Variants in BTBD9 observed in about 807,000 individuals in gnomAD.
BTBD9 encodes BTB domain containing 9, also known as BTB/POZ domain-containing protein 9.
In BTBD9, 49 loss-of-function variants were observed where a neutral mutation model predicts 64.3. The ratio of observed to expected loss-of-function variants is 0.76; its 90% CI spans 0.61 to 0.97. The LOEUF (loss-of-function observed/expected upper bound fraction) is 0.97, where lower values mean the gene tolerates loss of function less well. Ranked by LOEUF, BTBD9 falls within the 50% of genes least tolerant of loss-of-function variation. The pLI is 0.00. For synonymous variants in BTBD9, 260 were observed against 274.7 expected (o/e 0.95, Z 0.53); for missense variants, 598 against 762.1 (o/e 0.78, Z 2.53).
chr6:38,417,140 AG>A (rs1767704544), intron 6 of BTBD9, among the ~76,000 whole-genome samples: 1 of 152,284 alleles, frequency 6.6e-6, no homozygotes, highest in Admixed American at 6.5e-5. Context: ...GTGTGGAGAC[AG>A]GGTCTCACTA....
chr6:38,200,295 T>G (rs953990645), intron 9 of BTBD9, among the ~76,000 whole-genome samples: 1 of 152,226 alleles, frequency 6.6e-6, no homozygotes, highest in African/African-American at 2.4e-5. Context: ...TTTACAGATT[T>G]AAGCCCCTAT....
intron 10 of BTBD9, among the ~76,000 whole-genome samples, chr6:38,177,884 T>C (rs1037204506): frequency 6.6e-6 from 1 of 152,258 alleles, no homozygotes; most frequent in Admixed American, 6.5e-5. Context: ...TTCTGTGTTT[T>C]CCTATGGATA....
chr6:38,513,847 T>C (rs1215253315), intron 6 of BTBD9, among the ~76,000 whole-genome samples: 6 of 152,200 alleles, frequency 3.9e-5, no homozygotes, highest in African/African-American at 1.2e-4. Context: ...TTTATTTTTG[T>C]AGCCTTACTA....
chr6:38,206,440 C>A (rs1409756880), intron 9 of BTBD9, among the ~76,000 whole-genome samples: 1 of 151,914 alleles, frequency 6.6e-6, no homozygotes, highest in Admixed American at 6.6e-5. Flanking sequence ...GGGGTTTCAC[C>A]ATCTTGGCCA....
intron 6 of BTBD9, among the ~76,000 whole-genome samples, chr6:38,447,287 G>A (rs908369721): frequency 4.6e-5 from 7 of 152,176 alleles, no homozygotes; most frequent in Non-Finnish European, 1.0e-4. Context: ...ACTGTATATA[G>A]CAATTCGTTA....
At chr6:38,373,193 T>C (rs1003948820) in intron 6 of BTBD9, among the ~76,000 whole-genome samples, 2 of 152,170 alleles carry the variant, frequency 1.3e-5, no homozygotes, top group Non-Finnish European at 2.9e-5. Context: ...CCGAAAATAA[T>C]CTAGGATTCA....
intron 6 of BTBD9, among the ~76,000 whole-genome samples, chr6:38,359,320 G>A (rs11964070): frequency 0.081 from 12,318 of 151,956 alleles, 1,274 homozygotes; most frequent in East Asian, 0.34. Flanking sequence ...TTCCAGGGCC[G>A]CTCCTGCCAC....
chr6:38,364,772 T>C (rs951919819), intron 6 of BTBD9, among the ~76,000 whole-genome samples: 1 of 152,094 alleles, frequency 6.6e-6, no homozygotes, highest in Non-Finnish European at 1.5e-5. Flanking sequence ...TCTAACAGGA[T>C]AAAATGGAAA....
intron 8 of BTBD9, among the ~76,000 whole-genome samples, chr6:38,260,217 A>T (rs1338075202): frequency 6.6e-6 from 1 of 152,170 alleles, no homozygotes; most frequent in African/African-American, 2.4e-5. Context: ...CTGGATTGAA[A>T]TCATTCGTAA....
intron 9 of BTBD9, among the ~76,000 whole-genome samples, chr6:38,226,870 C>A (rs1228328473): frequency 6.6e-6 from 1 of 152,206 alleles, no homozygotes; most frequent in Admixed American, 6.5e-5. Flanking sequence ...ACATTAAAAT[C>A]CTAGTTAGAC....
rs1778151664 is a variant in BTBD9 at position 38,626,040 on chromosome 6, C to T, written c.-28+13760G>A. 2.0e-5 allele frequency among the ~76,000 whole-genome samples: 3 copies of T among 152,206 alleles called. No individual in the cohort carries two copies. In the South Asian group the frequency reaches 6.2e-4, roughly 31 times the overall value. ...CTCTCATAAGTTAAGTCTATACTCCCAAAAGTTTCAAGGACTTTCAATTTG... is the reference window on the plus strand; with the variant it reads ...CTCTCATAAGTTAAGTCTATACTCCTAAAAGTTTCAAGGACTTTCAATTTG... On this transcript the variant is annotated intron_variant, in intron 1 of 10. Coordinates refer to ENST00000481247, the MANE Select transcript of BTBD9 (RefSeq NM_001099272.2).
chr6:38,505,424 A>G (rs1319625604), intron 6 of BTBD9, among the ~76,000 whole-genome samples: 2 of 152,062 alleles, frequency 1.3e-5, no homozygotes, highest in Non-Finnish European at 2.9e-5. Context: ...CAGGAGTTTG[A>G]GATTAGCGAG....
chr6:38,573,841 G>T (rs982134809), intron 6 of BTBD9, among the ~76,000 whole-genome samples: 11 of 152,120 alleles, frequency 7.2e-5, no homozygotes, highest in African/African-American at 2.7e-4. Context: ...TTCATTACTA[G>T]TGTTTTCTGT....
rs114374603 is a variant in BTBD9, at chr6:38,405,847, T to A, written c.1155-60754A>T. Among the ~76,000 whole-genome samples the A allele has an allele frequency of 2.6e-3, 402 of 152,326 alleles. 4 individuals carry two copies. The highest frequency in any genetic ancestry group is 9.3e-3 in the African/African-American group (385 of 41,574). ...TCTAAATATTCTAGTGATAAACAAT[T>A]CAGCACCTAGAATAATTCTCCATGT... On this transcript the variant is annotated intron_variant, in intron 6 of 10. Transcript: ENST00000481247.
At chr6:38,452,856 C>G (rs1460753512) in intron 6 of BTBD9, among the ~76,000 whole-genome samples, 1 of 151,962 alleles carries the variant, frequency 6.6e-6, no homozygotes, top group Non-Finnish European at 1.5e-5. Context: ...GTAAAAACAC[C>G]ATTATGCCTT....
At chr6:38,554,389 G>A (rs1009544982) in intron 6 of BTBD9, among the ~76,000 whole-genome samples, 1 of 152,098 alleles carries the variant, frequency 6.6e-6, no homozygotes, top group African/African-American at 2.4e-5. Context: ...AAAAATAAAT[G>A]GAAGTGCCAG....
chr6:38,315,778 T>G (rs1763007232), intron 7 of BTBD9, among the ~76,000 whole-genome samples: 1 of 152,240 alleles, frequency 6.6e-6, no homozygotes, highest in South Asian at 2.1e-4. Context: ...GAAGAATGTG[T>G]ATTCTGCAGC....
chr6:38,592,433 A>G, intron 4 of BTBD9, 143 bp downstream of exon 4: 3 of 883,672 alleles, frequency 3.4e-6, no homozygotes, highest in Non-Finnish European at 5.1e-6. Flanking sequence ...TGAAAGGGAA[A>G]GACATTCCAT....
intron 6 of BTBD9, among the ~76,000 whole-genome samples, chr6:38,425,304 C>T (rs1362701228): frequency 6.6e-6 from 1 of 151,438 alleles, no homozygotes; most frequent in Admixed American, 6.6e-5. Flanking sequence ...TAGGGTTTCA[C>T]TATTTTGGCC....
Sources: allele counts gnomAD v4.1 joint callset (sites outside exome capture counted in the v4.1 genomes callset), GRCh38; gene constraint gnomAD v4.1.1; transcripts MANE v1.5; gene names NCBI Gene and HGNC (gene_info 2026-07-23, HGNC 2026-07-21).